EEPD1: variants seen among roughly 807,000 people sequenced by gnomAD.
EEPD1 encodes endonuclease/exonuclease/phosphatase family domain-containing protein 1.
A neutral mutation model predicts 46.3 loss-of-function variants in EEPD1; 17 were observed. That is an observed-to-expected ratio of 0.37 (90% CI 0.25 to 0.55). The LOEUF (loss-of-function observed/expected upper bound fraction) is 0.55, where lower values mean the gene tolerates loss of function less well. Ranked by LOEUF, EEPD1 falls within the 20% of genes least tolerant of loss-of-function variation. The pLI is 0.83. For missense variants in EEPD1, 673 were observed against 745.6 expected (o/e 0.90, Z 1.13); for synonymous variants, 313 against 315.6 (o/e 0.99, Z 0.09).
At chr7:36,279,695 A>G (rs1405677017) in intron 3 of EEPD1, among the ~76,000 whole-genome samples, 1 of 152,220 alleles carries the variant, frequency 6.6e-6, no homozygotes, top group African/African-American at 2.4e-5. Context: ...CTCAAACCCA[A>G]GCGTGCATCA....
At chr7:36,247,375 T>C (rs1249519807) in intron 3 of EEPD1, among the ~76,000 whole-genome samples, 2 of 152,226 alleles carry the variant, frequency 1.3e-5, no homozygotes, top group Admixed American at 6.5e-5. Flanking sequence ...ACCTCTCTTA[T>C]TACGTGCTTT....
chr7:36,171,202 C>T (rs943188961), intron 2 of EEPD1, among the ~76,000 whole-genome samples: 4 of 152,202 alleles, frequency 2.6e-5, no homozygotes, highest in African/African-American at 9.6e-5. Flanking sequence ...AGATTACAGG[C>T]ATGAGCCACC....
At chr7:36,173,685 A>C (rs1785128546) in intron 2 of EEPD1, among the ~76,000 whole-genome samples, 1 of 152,182 alleles carries the variant, frequency 6.6e-6, no homozygotes, top group South Asian at 2.1e-4. Context: ...TCTTTATAGC[A>C]GTGTGAAAAT....
intron 2 of EEPD1, among the ~76,000 whole-genome samples, chr7:36,196,970 C>T (rs1470137547): frequency 5.9e-5 from 9 of 151,294 alleles, no homozygotes; most frequent in Non-Finnish European, 1.0e-4. Flanking sequence ...AAGTGAGGAG[C>T]GTCTCTGCCC....
chr7:36,214,954 C>G (rs1786004585), intron 2 of EEPD1, among the ~76,000 whole-genome samples: 1 of 152,176 alleles, frequency 6.6e-6, no homozygotes, highest in South Asian at 2.1e-4. Context: ...GGATCCCAGG[C>G]AGCTTTCCAG....
chr7:36,170,288 A>G (rs1359953437), intron 2 of EEPD1, among the ~76,000 whole-genome samples: 7 of 152,274 alleles, frequency 4.6e-5, no homozygotes, highest in African/African-American at 7.2e-5. Context: ...GCATGTCTGT[A>G]ATCCCAGCTA....
At chr7:36,167,079 C>T (rs980078760) in intron 2 of EEPD1, among the ~76,000 whole-genome samples, 1 of 152,172 alleles carries the variant, frequency 6.6e-6, no homozygotes, top group African/African-American at 2.4e-5. Flanking sequence ...GGTCTTTCCT[C>T]TGTACCCAAA....
intron 2 of EEPD1, among the ~76,000 whole-genome samples, chr7:36,160,657 TCTGA>T (rs1213325333): frequency 8.8e-6 from 1 of 113,076 alleles, no homozygotes; most frequent in Non-Finnish European, 1.9e-5. Flanking sequence ...TACCAGATAG[TCTGA>T]CTGCTGGGAG....
Position 36,273,873 on chromosome 7 carries a change from C to T in EEPD1, c.931-7242C>T, listed in dbSNP as rs144577346. On this transcript the variant is annotated intron_variant, in intron 3 of 7. Transcript: ENST00000242108. ...TTCCAAAGCCACGAGGAAGCAAGCC[C>T]AGCTCATTCTTTCATTACTGGAAAA... Among the ~76,000 whole-genome samples the T allele has an allele frequency of 2.4e-4, 36 of 152,352 alleles. 2 individuals are homozygous for T. In the East Asian group the frequency reaches 5.0e-3, roughly 21 times the overall value.
In EEPD1 at chr7:36,160,716, G is replaced by A. The variant is rs139304834; in HGVS notation, c.878+5514G>A. Among the ~76,000 whole-genome samples the A allele has an allele frequency of 5.2e-3, 785 of 151,408 alleles. 7 individuals carry two copies. Among genetic ancestry groups the A allele is most frequent in the Non-Finnish European group, 9.3e-3 (629 of 67,808 alleles). ...GCATGGAGAGGGTCCTGGGAGTTGAGTGAAGAAGCTGTTGCAGGATTCAAG... is the reference window on the plus strand; with the variant it reads ...GCATGGAGAGGGTCCTGGGAGTTGAATGAAGAAGCTGTTGCAGGATTCAAG... On this transcript the variant is annotated intron_variant, in intron 2 of 7. Transcript: ENST00000242108.
At chr7:36,179,957 C>T (rs1346420065) in intron 2 of EEPD1, among the ~76,000 whole-genome samples, 1 of 152,126 alleles carries the variant, frequency 6.6e-6, no homozygotes, top group Non-Finnish European at 1.5e-5. Context: ...CTCAGGATGC[C>T]CTTCACTGCC....
chr7:36,195,395 G>A (rs944880929), intron 2 of EEPD1, among the ~76,000 whole-genome samples: 2 of 152,222 alleles, frequency 1.3e-5, no homozygotes, highest in Non-Finnish European at 2.9e-5. Flanking sequence ...CCATGGTATA[G>A]AGGTGGGTTC....
chr7:36,200,329 A>G (rs1432429357), intron 2 of EEPD1, among the ~76,000 whole-genome samples: 1 of 152,184 alleles, frequency 6.6e-6, no homozygotes, highest in Non-Finnish European at 1.5e-5. Context: ...TTATGGCTGC[A>G]TAGTATTCCG....
At chr7:36,248,286 C>T (rs1786673311) in intron 3 of EEPD1, among the ~76,000 whole-genome samples, 3 of 151,486 alleles carry the variant, frequency 2.0e-5, no homozygotes, top group African/African-American at 7.3e-5. Context: ...CTCATTGCAA[C>T]CTCCACCTCC....
chr7:36,185,650 T>C (rs1785350221), intron 2 of EEPD1, among the ~76,000 whole-genome samples: 1 of 150,330 alleles, frequency 6.7e-6, no homozygotes, highest in African/African-American at 2.4e-5. Flanking sequence ...ATCATGTTGC[T>C]ACTCTAGGAA....
intron 2 of EEPD1, among the ~76,000 whole-genome samples, chr7:36,168,021 A>G (rs548227720): frequency 3.9e-5 from 6 of 152,234 alleles, no homozygotes; most frequent in South Asian, 2.1e-4. Context: ...CCTGACTTCT[A>G]TGGTTAAGCA....
intron 6 of EEPD1, among the ~76,000 whole-genome samples, chr7:36,288,209 A>G (rs1036816570): frequency 1.4e-4 from 21 of 152,044 alleles, no homozygotes; most frequent in African/African-American, 4.8e-4. Flanking sequence ...TGGTGAATTG[A>G]GTTTTTCTCT....
intron 5 of EEPD1, among the ~76,000 whole-genome samples, chr7:36,286,797 C>A (rs925821010): frequency 1.3e-5 from 2 of 152,112 alleles, no homozygotes; most frequent in African/African-American, 4.8e-5. Context: ...TGGAGAAAAG[C>A]CCCAAGTCTA....
chr7:36,230,244 A>G (rs1393781033), intron 2 of EEPD1, among the ~76,000 whole-genome samples: 1 of 150,830 alleles, frequency 6.6e-6, no homozygotes, highest in African/African-American at 2.4e-5. Flanking sequence ...GGGTCTCTCT[A>G]CCTCCAGCAT....
Sources: gnomAD v4.1 joint callset for allele counts (sites outside exome capture counted in the v4.1 genomes callset) on GRCh38, gnomAD v4.1.1 for gene constraint, MANE v1.5 for transcripts, NCBI Gene and HGNC (gene_info 2026-07-23, HGNC 2026-07-21) for gene names.